Variants in MTMR6 observed in about 807,000 individuals in gnomAD.
MTMR6 encodes phosphatidylinositol-3,5-bisphosphate 3-phosphatase MTMR6.
In MTMR6, 47 loss-of-function variants were observed where a neutral mutation model predicts 80.1. That is an observed-to-expected ratio of 0.59 (90% CI 0.46 to 0.75). The LOEUF (loss-of-function observed/expected upper bound fraction) is 0.75, where lower values mean the gene tolerates loss of function less well. Among genes scored for constraint, MTMR6 ranks in the 30% least tolerant of loss-of-function variants. MTMR6 has a pLI of 0.00. For synonymous variants in MTMR6, 254 were observed against 253.0 expected (o/e 1.00, Z -0.04); for missense variants, 629 against 730.9 (o/e 0.86, Z 1.61).
At position 25,287,471 on chromosome 13, in the gene MTMR6, G is replaced by A; in HGVS notation, c.-224C>T. On this transcript the variant is annotated 5_prime_UTR_variant, in exon 1 of 14. Transcript: ENST00000381801. ...GCGGCCTCCCGGGGGACTCGGGGCA[G>A]GCAGACAGAGCGTGTGTGGACCGAG... 1.7e-6 allele frequency: 1 copy of A among 596,614 alleles called. No individual in the cohort carries two copies. The highest frequency in any genetic ancestry group is 3.0e-6 in the Non-Finnish European group (1 of 332,262). The allele number at this position is 596,614 out of a possible 1,614,324, so 37.0% of individuals were successfully genotyped here.
In MTMR6 at chr13:25,258,655, T is replaced by A. The variant is rs1957268182; in HGVS notation, c.764A>T (p.Tyr255Phe). 1 of 1,594,606 alleles carries A rather than the reference T, an allele frequency of 6.3e-7. No individual in the cohort carries two copies. Among genetic ancestry groups the A allele is most frequent in the Non-Finnish European group, 8.5e-7 (1 of 1,174,756 alleles). ...AMANRAAGKG[Y>F]ENEDNYSNIR... ...ATTGGAATAGTTGTCTTCATTTTCA[T>A]AACCTTTTCCAGCTGCTCTGTTGGC... Residue 255 changes from tyrosine to phenylalanine, a missense_variant, in exon 7 of 14, where the codon TAT (tyrosine) becomes TTT (phenylalanine). Transcript: ENST00000381801.
chr13:25,262,507 A>G (rs925658045), intron 5 of MTMR6, among the ~76,000 whole-genome samples: 2 of 152,058 alleles, frequency 1.3e-5, no homozygotes, highest in African/African-American at 4.8e-5. Flanking sequence ...AGCTGGGACT[A>G]CAGGAACACA....
Position 25,274,141 on chromosome 13 carries a change from G to C in MTMR6, c.71C>G (p.Ser24Ter), listed in dbSNP as rs759554451. 1 of 1,612,832 alleles carries C rather than the reference G, an allele frequency of 6.2e-7. No homozygotes were observed. Among genetic ancestry groups the C allele is most frequent in the Non-Finnish European group, 8.5e-7 (1 of 1,179,358 alleles). The change falls in exon 2 of 14, where the codon TCA (serine) becomes TGA (stop). Residue 24 changes from serine to a stop codon, truncating the protein, a stop_gained. Transcript: ENST00000381801. LOFTEE classifies it high-confidence loss of function. ...CGTAAGATACAGTGTTCCTGTTAAT[G>C]ACTTGTTGCTGGTACTGAATCGGTC... Reference protein sequence around the residue: ...LLDRFSTSNKSLTGTLYLTAT... With the variant: ...LLDRFSTSNK
chr13:25,263,313 T>C (rs1485486244), intron 5 of MTMR6, among the ~76,000 whole-genome samples: 1 of 152,214 alleles, frequency 6.6e-6, no homozygotes, highest in Non-Finnish European at 1.5e-5. Context: ...TGAATGCCTG[T>C]ACGAGAACTA....
chr13:25,278,634 A>G (rs1336718270), intron 1 of MTMR6, among the ~76,000 whole-genome samples: 1 of 145,100 alleles, frequency 6.9e-6, no homozygotes, highest in Non-Finnish European at 1.5e-5. Flanking sequence ...AATCGCTTGA[A>G]CCCAGGAGGT....
In MTMR6 at chr13:25,274,106, G is replaced by T; in HGVS notation, c.106C>A (p.Leu36Ile). The change falls in exon 2 of 14, where the codon CTA becomes ATA. Residue 36 changes from leucine (L) to isoleucine (I), a missense_variant. Transcript: ENST00000381801. The part of the protein sequence containing the change: ...TGTLYLTATH[L>I]LFIDSHQKET... ...TTTTGATGAGAGTCGATAAATAATA[G>T]ATGTGTAGCCGTAAGATACAGTGTT... The T allele has an allele frequency of 6.2e-7, 1 of 1,611,202 alleles. No individual in the cohort carries two copies. The highest frequency in any genetic ancestry group is 8.5e-7 in the Non-Finnish European group (1 of 1,178,164).
chr13:25,266,977 T>C (rs947777961), intron 3 of MTMR6, among the ~76,000 whole-genome samples: 6 of 152,118 alleles, frequency 3.9e-5, no homozygotes, highest in Non-Finnish European at 8.8e-5. Context: ...GATTCTTCTT[T>C]AGTGGCTCAT....
intron 1 of MTMR6, among the ~76,000 whole-genome samples, chr13:25,276,282 G>C (rs548836610): frequency 1.3e-5 from 2 of 152,208 alleles, no homozygotes; most frequent in East Asian, 3.9e-4. Flanking sequence ...AATATATATG[G>C]AAATAAAGGT....
At chr13:25,259,148 A>G (rs1195989485) in intron 6 of MTMR6, among the ~76,000 whole-genome samples, 2 of 152,174 alleles carry the variant, frequency 1.3e-5, no homozygotes, top group East Asian at 3.9e-4. Flanking sequence ...TGAAAATCAG[A>G]TCTGAAATAT....
chr13:25,285,186 CA>C (rs1389951350), intron 1 of MTMR6, among the ~76,000 whole-genome samples: 1 of 152,038 alleles, frequency 6.6e-6, no homozygotes, highest in East Asian at 1.9e-4. Flanking sequence ...TGACAACTTT[CA>C]AAGAGCTAAT....
chr13:25,287,118 C>T, intron 1 of MTMR6, 106 bp downstream of exon 1: 1 of 1,481,660 alleles, frequency 6.7e-7, no homozygotes, highest in Non-Finnish European at 9.1e-7. Flanking sequence ...GGGTCTCCGC[C>T]GGGCCGGCTC....
intron 2 of MTMR6, among the ~76,000 whole-genome samples, chr13:25,270,374 A>G (rs553253060): frequency 6.6e-6 from 1 of 152,340 alleles, no homozygotes; most frequent in Admixed American, 6.5e-5. Flanking sequence ...AACTTCATTT[A>G]GGGCAAACAT....
Position 25,261,709 on chromosome 13 carries a change from G to A in MTMR6, c.685C>T (p.Pro229Ser), listed in dbSNP as rs149526134. The change falls in exon 6 of 14, where the codon CCA becomes TCA. Residue 229 changes from proline to serine, a missense_variant. Transcript: ENST00000381801. Reference sequence around the variant, plus strand: ...ATGACGTACATATAGCGATTGACTGGATTGGCTTTACTAATGGCTTGAAGC... The same window carrying A: ...ATGACGTACATATAGCGATTGACTGAATTGGCTTTACTAATGGCTTGAAGC... ...HLLQAISKAN[P>S]VNRYMYVMDT... 1 of 1,613,514 alleles carries A rather than the reference G, an allele frequency of 6.2e-7. No homozygotes were observed. The highest frequency in any genetic ancestry group is 8.5e-7 in the Non-Finnish European group (1 of 1,179,702).
intron 5 of MTMR6, among the ~76,000 whole-genome samples, chr13:25,264,628 G>A (rs1030956659): frequency 6.6e-6 from 1 of 151,458 alleles, no homozygotes; most frequent in African/African-American, 2.4e-5. Context: ...GGTGGCAGGC[G>A]CCTGTAGTCC....
At chr13:25,256,072 G>A (rs1957201671) in intron 9 of MTMR6, among the ~76,000 whole-genome samples, 1 of 152,144 alleles carries the variant, frequency 6.6e-6, no homozygotes, top group Non-Finnish European at 1.5e-5. Context: ...TATCCAAAGA[G>A]GGGAAAGCCC....
chr13:25,263,050 G>C (rs988490325), intron 5 of MTMR6, among the ~76,000 whole-genome samples: 1 of 152,110 alleles, frequency 6.6e-6, no homozygotes, highest in Non-Finnish European at 1.5e-5. Context: ...ATCCAAGTCA[G>C]GTTCGAATAA....
intron 6 of MTMR6, among the ~76,000 whole-genome samples, chr13:25,261,256 C>T (rs1459146708): frequency 3.3e-5 from 4 of 123,058 alleles, no homozygotes; most frequent in South Asian, 5.4e-4. Context: ...TGCAGTGAGC[C>T]GAGATCACAC....
rs938342955 is a variant in MTMR6, at chr13:25,247,234, G to C, written c.*1998C>G. ...AAGAAAAAAAAAACAACTACAACTT[G>C]ATTCCATTTGTTTTATCCAGAAGAA... On this transcript the variant is annotated 3_prime_UTR_variant, in exon 14 of 14. Transcript: ENST00000381801. The C allele has an allele frequency of 2.0e-5, 3 of 152,358 alleles. No individual in the cohort carries two copies. Among genetic ancestry groups the C allele is most frequent in the African/African-American group, 7.2e-5 (3 of 41,390 alleles). The allele number at this position is 152,358 out of a possible 1,614,324, so 9.4% of individuals were successfully genotyped here. A position where few individuals can be genotyped will look rare whatever the true frequency, so the allele number is the denominator to read the frequency against.
chr13:25,282,135 CCT>C (rs1304350357), intron 1 of MTMR6, among the ~76,000 whole-genome samples: 5 of 151,986 alleles, frequency 3.3e-5, no homozygotes, highest in Non-Finnish European at 7.4e-5. Flanking sequence ...GGTTTTTGCC[CCT>C]GTTGTTCCCT....
Sources: gnomAD v4.1 joint callset for allele counts (sites outside exome capture counted in the v4.1 genomes callset) on GRCh38, gnomAD v4.1.1 for gene constraint, MANE v1.5 for transcripts, NCBI Gene and HGNC (gene_info 2026-07-23, HGNC 2026-07-21) for gene names.